PCDH8: variants seen among roughly 807,000 people sequenced by gnomAD.
PCDH8 encodes the protein protocadherin 8, also known as protocadherin-8.
PCDH8 carries 36 observed loss-of-function variants against 58.2 expected under a neutral mutation model. The ratio of observed to expected loss-of-function variants is 0.62; its 90% CI spans 0.47 to 0.82. The LOEUF (loss-of-function observed/expected upper bound fraction) is 0.82. PCDH8 is among the 40% of genes least tolerant of loss of function. PCDH8 has a pLI of 0.00. For missense variants in PCDH8, 1,493 were observed against 1,567.8 expected, an observed-to-expected ratio of 0.95 and a Z score of 0.81; for synonymous variants, 775 against 728.9, an observed-to-expected ratio of 1.06 and a Z score of -1.02.
At position 52,847,443 on chromosome 13, in the gene PCDH8, C is replaced by T. The variant is rs763579669; in HGVS notation, c.994G>A (p.Gly332Arg). ...ACCTTGCAGGTGGCAGCGCGGGGCC[C>T]GGGTCCGCGGTCCTGCGCCCGCACG... ...LDVRAQDRGP[G>R]PRAATCKVIV... The change falls in exon 1 of 3, where the codon GGG becomes AGG. Residue 332 changes from glycine (G) to arginine (R), a missense_variant. Gly to Arg is a moderately radical substitution (Grantham distance 125, BLOSUM62 -2). Transcript: ENST00000377942. 4 of 1,586,864 alleles carry T rather than the reference C, an allele frequency of 2.5e-6. No individual in the cohort carries two copies. Among genetic ancestry groups the T allele is most frequent in the Admixed American group, 3.4e-5 (2 of 58,552 alleles).
At chr13:52,845,026 G>C (rs1965708322) in intron 2 of PCDH8, 93 bp from the exon 3 acceptor site, 3 of 1,390,296 alleles carry the variant, frequency 2.2e-6, no homozygotes, top group Non-Finnish European at 2.9e-6. Context: ...CCTGGGTCAG[G>C]GCAGCTGAAA....
At position 52,847,154 on chromosome 13, in the gene PCDH8, C is replaced by A. The variant is rs1965753512; in HGVS notation, c.1283G>T (p.Arg428Leu). Residue 428 changes from arginine to leucine, a missense_variant, in exon 1 of 3, where the codon CGC becomes CTC. Around this residue, in one of 3 missense-constraint regions of PCDH8, gnomAD observed 1,307 missense variants for 1,362.7 expected, o/e 0.96. Coordinates refer to ENST00000377942, the MANE Select transcript of PCDH8 (RefSeq NM_002590.4). Reference protein sequence around the residue: ...DRDSGANGQVRCALYGHEHFR... With the variant: ...DRDSGANGQVLCALYGHEHFR... The stretch of plus-strand genomic sequence containing the variant: ...GTGCTCGTGCCCATAGAGGGCGCAG[C>A]GCACTTGCCCGTTGGCGCCCGAGTC... 3.3e-6 allele frequency: 5 copies of A among 1,508,972 alleles called. No individual in the cohort carries two copies. Among genetic ancestry groups the A allele is most frequent in the Admixed American group, 4.2e-5 (2 of 47,842 alleles). The allele number at this position is 1,508,972 out of a possible 1,614,324, so 93.5% of individuals were successfully genotyped here.
Position 52,847,271 on chromosome 13 carries a change from C to G in PCDH8, c.1166G>C (p.Gly389Ala). The G allele has an allele frequency of 7.3e-7, 1 of 1,377,380 alleles. No homozygotes were observed. Among genetic ancestry groups the G allele is most frequent in the Non-Finnish European group, 9.3e-7 (1 of 1,071,892 alleles). The allele number at this position is 1,377,380 out of a possible 1,614,324, so 85.3% of individuals were successfully genotyped here. A position where few individuals can be genotyped will look rare whatever the true frequency, so the allele number is the denominator to read the frequency against. Residue 389 changes from glycine (G) to alanine (A), a missense_variant, in exon 1 of 3, where the codon GGA (glycine) becomes GCA (alanine). By Grantham distance (60) the Gly-to-Ala change is moderately conservative. This residue lies in a region of PCDH8 where 1,307 missense variants were observed against 1,362.7 expected (regional missense o/e 0.96). Transcript: ENST00000377942. The part of the protein sequence containing the change: ...LGGADASSPA[G>A]AGTPEAGATS... ...GGCACCAGCCTCCGGCGTCCCGGCT[C>G]CCGCCGGCGAGCTAGCGTCCGCTCC...
At chr13:52,845,763 C>A in intron 1 of PCDH8, 43 bp downstream of exon 1, 1 of 1,500,346 alleles carries the variant, frequency 6.7e-7, no homozygotes, top group Non-Finnish European at 8.8e-7. Context: ...CCAGCCTGTC[C>A]GCGGAGCTCG....
rs761774926 is a variant in PCDH8, at chr13:52,844,598, A to G, written c.3175T>C (p.Tyr1059His). 1.9e-6 allele frequency: 3 copies of G among 1,606,484 alleles called. No individual in the cohort carries two copies. The Admixed American group carries it at 5.1e-5, about 27-fold the overall frequency. Residue 1059 changes from tyrosine to histidine, a missense_variant, in exon 3 of 3, where the codon TAC (tyrosine) becomes CAC (histidine). Coordinates refer to ENST00000377942, the MANE Select transcript of PCDH8 (RefSeq NM_002590.4). ...TTGGCTCCCTTCTTCGGGGACAGGT[A>G]CCTGCCAGGAGGGGACTGGTAGAGG... ...VPLYQSPPGR[Y>H]LSPKKGANEN...
Position 52,845,811 on chromosome 13 carries a change from C to G in PCDH8, c.2626G>C (p.Ala876Pro). Residue 876 changes from alanine to proline, a missense_variant, in exon 1 of 3, where the codon GCC (alanine) becomes CCC (proline). By Grantham distance (27) the Ala-to-Pro change is conservative (BLOSUM62 -1). Transcript: ENST00000377942. Reference protein sequence around the residue: ...EGQQRLRGAHAEPYGASPGFG... With the variant: ...EGQQRLRGAHPEPYGASPGFG... ...CAGCCGAAGGAAGGCCTCACCTCGGCGTGCGCGCCGCGGAGCCGCTGCTGC... is the reference window on the plus strand; with the variant it reads ...CAGCCGAAGGAAGGCCTCACCTCGGGGTGCGCGCCGCGGAGCCGCTGCTGC... 1 of 1,502,822 alleles carries G rather than the reference C, an allele frequency of 6.7e-7. No homozygotes were observed. Among genetic ancestry groups the G allele is most frequent in the South Asian group, 1.3e-5 (1 of 77,458 alleles). The allele number at this position is 1,502,822 out of a possible 1,614,324, so 93.1% of individuals were successfully genotyped here.
chr13:52,848,012 A>G lies in PCDH8; in HGVS notation c.425T>C (p.Val142Ala), dbSNP rs1398191902. 1 of 1,610,540 alleles carries G rather than the reference A, an allele frequency of 6.2e-7. No individual in the cohort carries two copies. The highest frequency in any genetic ancestry group is 8.5e-7 in the Non-Finnish European group (1 of 1,178,026). Residue 142 changes from valine to alanine, a missense_variant, in exon 1 of 3, where the codon GTA becomes GCA. Physicochemically the swap from Val to Ala is moderately conservative, Grantham distance 64. Coordinates refer to ENST00000377942, the MANE Select transcript of PCDH8 (RefSeq NM_002590.4). ...CACTGCCGCACCCTCGGACACCTCT[A>G]CCGGGATCTGGGCCCTGGGGAAGCG... ...APRFPRAQIP[V>A]EVSEGAAVGT...
chr13:52,848,172 C>G lies in PCDH8; in HGVS notation c.265G>C (p.Gly89Arg), dbSNP rs570624635. Residue 89 changes from glycine to arginine, a missense_variant, in exon 1 of 3, where the codon GGC (glycine) becomes CGC (arginine). By Grantham distance (125) the Gly-to-Arg change is moderately radical. Around this residue, in one of 3 missense-constraint regions of PCDH8, gnomAD observed 1,307 missense variants for 1,362.7 expected, o/e 0.96. Coordinates refer to ENST00000377942, the MANE Select transcript of PCDH8 (RefSeq NM_002590.4). ...CCACACAGCCGCTCGCGGTCCAGGC[C>G]GGCGTCCCCGACGGTCAGCTGCCCG... ...GDGQLTVGDA[G>R]LDRERLCGQA... The G allele has an allele frequency of 3.7e-5, 59 of 1,612,578 alleles. 1 individual carries two copies. The East Asian group carries it at 1.3e-3, about 35-fold the overall frequency.
chr13:52,845,366 A>T, intron 2 of PCDH8, 59 bp downstream of exon 2: 1 of 1,490,170 alleles, frequency 6.7e-7, no homozygotes. Context: ...GGAGGCAAAC[A>T]GTGGTGAAGG....
rs766547048 is a variant in PCDH8, at chr13:52,847,995, C to T, written c.442G>A (p.Ala148Thr). 6.8e-6 allele frequency: 11 copies of T among 1,610,010 alleles called. No individual in the cohort carries two copies. The African/African-American group carries it at 1.3e-4, about 20-fold the overall frequency. Reference sequence around the variant, plus strand: ...AAGGGGATGCGCGTGCCCACTGCCGCACCCTCGGACACCTCTACCGGGATC... The same window carrying T: ...AAGGGGATGCGCGTGCCCACTGCCGTACCCTCGGACACCTCTACCGGGATC... ...AQIPVEVSEGAAVGTRIPLEV... is the reference protein window; with the variant it reads ...AQIPVEVSEGTAVGTRIPLEV... Residue 148 changes from alanine (A) to threonine (T), a missense_variant, in exon 1 of 3, where the codon GCG becomes ACG. Physicochemically the swap from Ala to Thr is moderately conservative, Grantham distance 58 (BLOSUM62 0). This residue lies in a region of PCDH8 where 1,307 missense variants were observed against 1,362.7 expected (regional missense o/e 0.96). Coordinates refer to ENST00000377942, the MANE Select transcript of PCDH8 (RefSeq NM_002590.4).
chr13:52,848,521 C>A lies in PCDH8; in HGVS notation c.-85G>T. The A allele has an allele frequency of 6.8e-7, 1 of 1,477,454 alleles. No individual in the cohort carries two copies. The highest frequency in any genetic ancestry group is 1.4e-5 in the African/African-American group (1 of 71,400). The allele number at this position is 1,477,454 out of a possible 1,614,324, so 91.5% of individuals were successfully genotyped here. On this transcript the variant is annotated 5_prime_UTR_variant, in exon 1 of 3. Transcript: ENST00000377942. ...GGCGTCAGTCTCAGGCTCTCGGAAT[C>A]ACGCTCTTTGCGAGCCCTGTGCGGG...
Position 52,845,922 on chromosome 13 carries a change from C to G in PCDH8, c.2515G>C (p.Ala839Pro), listed in dbSNP as rs1265980141. 2.0e-6 allele frequency: 3 copies of G among 1,478,540 alleles called. No homozygotes were observed. The highest frequency in any genetic ancestry group is 2.7e-6 in the Non-Finnish European group (3 of 1,126,748). The allele number at this position is 1,478,540 out of a possible 1,614,324, so 91.6% of individuals were successfully genotyped here. The stretch of plus-strand genomic sequence containing the variant: ...GCCGCGGCGACCGCAGGCGGAGGCG[C>G]GTCCGCCGCGGGGCTGCCAAAGGGC... The part of the protein sequence containing the change: ...KAPFGSPAAD[A>P]PPPAVAAAEV... Residue 839 changes from alanine (A) to proline (P), a missense_variant, in exon 1 of 3, where the codon GCG becomes CCG. Physicochemically the swap from Ala to Pro is conservative, Grantham distance 27. This residue lies in a region of PCDH8 where 1,307 missense variants were observed against 1,362.7 expected (regional missense o/e 0.96). Coordinates refer to ENST00000377942, the MANE Select transcript of PCDH8 (RefSeq NM_002590.4).
At position 52,848,583 on chromosome 13, in the gene PCDH8, G is replaced by T; in HGVS notation, c.-147C>A. The T allele has an allele frequency of 3.6e-6, 5 of 1,405,218 alleles. No individual in the cohort carries two copies. The highest frequency in any genetic ancestry group is 4.6e-6 in the Non-Finnish European group (5 of 1,077,580). The allele number at this position is 1,405,218 out of a possible 1,614,324, so 87.0% of individuals were successfully genotyped here. A position where few individuals can be genotyped will look rare whatever the true frequency, so the allele number is the denominator to read the frequency against. ...GGTAGCAGCTCCGAGCCTCCAGCGG[G>T]CTCTGAGGACGCGCGGACCCGCCCT... is the stretch of plus-strand genomic sequence containing the variant. On this transcript the variant is annotated 5_prime_UTR_variant, in exon 1 of 3. Coordinates refer to ENST00000377942, the MANE Select transcript of PCDH8 (RefSeq NM_002590.4).
chr13:52,846,289 A>G lies in PCDH8; in HGVS notation c.2148T>C (p.Arg716=), dbSNP rs759355498. The G allele has an allele frequency of 1.3e-6, 2 of 1,573,454 alleles. No homozygotes were observed. Among genetic ancestry groups the G allele is most frequent in the African/African-American group, 1.4e-5 (1 of 73,936 alleles). ...CTGCACTGGCAGGCGCAGCCGGCCC[A>G]CGCCCGCCCCCTGCTGTTACCACGA... The part of the protein sequence containing the change: ...VSFVVTAGGG[R]GPAAPASAGS... Residue 716 remains arginine, a synonymous_variant, in exon 1 of 3, where the codon CGT becomes CGC. Transcript: ENST00000377942.
In PCDH8 at chr13:52,847,754, G is replaced by A. The variant is rs772717571; in HGVS notation, c.683C>T (p.Thr228Met). ...QDGGRPPRSA[T>M]AALSVRVLDA... The stretch of plus-strand genomic sequence containing the variant: ...CAGGACGCGCACGCTGAGGGCAGCC[G>A]TGGCGGAGCGCGGCGGGCGGCCGCC... Residue 228 changes from threonine to methionine, a missense_variant, in exon 1 of 3, where the codon ACG becomes ATG. By Grantham distance (81) the Thr-to-Met change is moderately conservative. Around this residue, in one of 3 missense-constraint regions of PCDH8, gnomAD observed 1,307 missense variants for 1,362.7 expected, o/e 0.96. Coordinates refer to ENST00000377942, the MANE Select transcript of PCDH8 (RefSeq NM_002590.4). The A allele has an allele frequency of 1.1e-5, 16 of 1,472,356 alleles. No homozygotes were observed. In the African/African-American group the frequency reaches 2.0e-4, roughly 19 times the overall value. The allele number at this position is 1,472,356 out of a possible 1,614,324, so 91.2% of individuals were successfully genotyped here. A position where few individuals can be genotyped will look rare whatever the true frequency, so the allele number is the denominator to read the frequency against.
Position 52,847,603 on chromosome 13 carries a change from GT to G in PCDH8, c.833del (p.Asn278ThrfsTer173). 6.4e-7 allele frequency: 1 copy of G among 1,570,708 alleles called. No homozygotes were observed. On this transcript the variant is annotated frameshift_variant, in exon 1 of 3. Coordinates refer to ENST00000377942, the MANE Select transcript of PCDH8 (RefSeq NM_002590.4). LOFTEE classifies it high-confidence loss of function. ...LDAADPDEGP[N>X]GDVVFAFGAR... ...CGCCAAATGCGAACACCACGTCGCC[GT>G]TAGGTCCCTCGTCGGGGTCGGCTGC...
Position 52,846,676 on chromosome 13 carries a change from A to AG in PCDH8, c.1760dup (p.Gln588SerfsTer332). ...GCACTAGGGCGCTGCTGGAAAGCTG[A>AG]GGGGAGCCGCCGTCGCTAGCTTGGA... On this transcript the variant is annotated frameshift_variant, in exon 1 of 3. Coordinates refer to ENST00000377942, the MANE Select transcript of PCDH8 (RefSeq NM_002590.4). LOFTEE classifies it high-confidence loss of function. 2 of 1,600,994 alleles carry AG rather than the reference A, an allele frequency of 1.2e-6. No individual in the cohort carries two copies. Among genetic ancestry groups the AG allele is most frequent in the Non-Finnish European group, 1.7e-6 (2 of 1,177,182 alleles).
rs1351878877 is a variant in PCDH8, at chr13:52,847,027, C to T, written c.1410G>A (p.Glu470=). ...TGCGCAGCGGGGGCGCGCCGCGATCCTCGGCCACCAGCGTCAAGTTGTACT... is the reference window on the plus strand; with the variant it reads ...TGCGCAGCGGGGGCGCGCCGCGATCTTCGGCCACCAGCGTCAAGTTGTACT... ...IAEYNLTLVA[E]DRGAPPLRTV... is the part of the protein sequence containing the mutation. The change falls in exon 1 of 3, where the codon GAG becomes GAA. Residue 470 remains glutamate, a synonymous_variant. Coordinates refer to ENST00000377942, the MANE Select transcript of PCDH8 (RefSeq NM_002590.4). 1 of 1,566,290 alleles carries T rather than the reference C, an allele frequency of 6.4e-7. No individual in the cohort carries two copies. The highest frequency in any genetic ancestry group is 8.6e-7 in the Non-Finnish European group (1 of 1,158,516).
chr13:52,845,884 G>A lies in PCDH8; in HGVS notation c.2553C>T (p.Gly851=), dbSNP rs936609285. Reference sequence around the variant, plus strand: ...CCCCAGTGGCGCTGCCGCCCTCTGAGCCCGGCACTTCGGCCGCGGCGACCG... The same window carrying A: ...CCCCAGTGGCGCTGCCGCCCTCTGAACCCGGCACTTCGGCCGCGGCGACCG... ...PPAVAAAEVP[G]SEGGSATGES... Residue 851 remains glycine, a synonymous_variant, in exon 1 of 3, where the codon GGC becomes GGT. Coordinates refer to ENST00000377942, the MANE Select transcript of PCDH8 (RefSeq NM_002590.4). 1.3e-5 allele frequency: 19 copies of A among 1,491,866 alleles called. No individual in the cohort carries two copies. The highest frequency in any genetic ancestry group is 1.5e-5 in the African/African-American group (1 of 68,696). 92.4% of individuals were successfully genotyped at this position (1,491,866 alleles called of 1,614,324 possible).
Sources: allele counts gnomAD v4.1 joint callset, GRCh38; gene constraint gnomAD v4.1.1; regional missense constraint gnomAD v4.1.1; transcripts MANE v1.5; gene names NCBI Gene and HGNC (gene_info 2026-07-23, HGNC 2026-07-21).